SLC4A4: variants seen among roughly 807,000 people sequenced by gnomAD.
The protein encoded by SLC4A4 is solute carrier family 4 member 4.
A neutral mutation model predicts 111.5 loss-of-function variants in SLC4A4; 27 were observed. That is an observed-to-expected ratio of 0.24 (90% CI 0.18 to 0.33). The LOEUF (loss-of-function observed/expected upper bound fraction) is 0.33, where lower values mean the gene tolerates loss of function less well. SLC4A4 is among the 10% of genes least tolerant of loss of function. SLC4A4 has a pLI of 1.00. For missense variants in SLC4A4, 909 were observed against 1,315.5 expected (o/e 0.69, Z 4.78); for synonymous variants, 443 against 463.4 (o/e 0.96, Z 0.57).
At chr4:71,097,093 G>T (rs924580585) in intron 2 of SLC4A4, among the ~76,000 whole-genome samples, 9 of 152,130 alleles carry the variant, frequency 5.9e-5, no homozygotes, top group Non-Finnish European at 7.4e-5. Context: ...TGTCATGGGG[G>T]TTTTTTGTAC....
At chr4:71,114,759 A>C (rs1286783163) in intron 2 of SLC4A4, among the ~76,000 whole-genome samples, 6 of 131,644 alleles carry the variant, frequency 4.6e-5, no homozygotes, top group African/African-American at 1.2e-4. Flanking sequence ...TAGTTCAACC[A>C]TTGTGGAAGT....
chr4:71,282,022 T>C (rs546626556), intron 3 of SLC4A4, among the ~76,000 whole-genome samples: 87 of 152,168 alleles, frequency 5.7e-4, no homozygotes, highest in Non-Finnish European at 1.1e-3. Context: ...CCTCAGTTTT[T>C]GTTCATGCAT....
chr4:71,524,089 A>G (rs1733204271), intron 16 of SLC4A4, among the ~76,000 whole-genome samples: 1 of 152,078 alleles, frequency 6.6e-6, no homozygotes. Flanking sequence ...GAACAAGTTA[A>G]TTTCTCTTTC....
chr4:71,536,485 T>TATATATATATATATATATATATATATAA lies in SLC4A4; in HGVS notation c.2442+2099_2442+2100insATATATATATATATATATATATATAAAT, dbSNP rs760037325. ...ATATACATATATATATATATATATA[T>TATATATATATATATATATATATATATAA]ATGTATATATTTATTTATTTATTTA... On this transcript the variant is annotated intron_variant, in intron 18 of 25. Transcript: ENST00000264485. Among the ~76,000 whole-genome samples, 17 of 83,992 alleles carry TATATATATATATATATATATATATATAA rather than the reference T, an allele frequency of 2.0e-4. No individual in the cohort carries two copies. In the East Asian group the frequency reaches 3.2e-3, roughly 16 times the overall value. The allele number at this position is 83,992 out of a possible 152,430, so 55.1% of individuals were successfully genotyped here.
At chr4:71,286,557 T>C (rs1682853946) in intron 3 of SLC4A4, among the ~76,000 whole-genome samples, 1 of 152,364 alleles carries the variant, frequency 6.6e-6, no homozygotes, top group East Asian at 1.9e-4. Flanking sequence ...CAGTTTTCTA[T>C]AACTTTGTGC....
chr4:71,322,625 A>G (rs1268760799), intron 3 of SLC4A4, among the ~76,000 whole-genome samples: 1 of 151,998 alleles, frequency 6.6e-6, no homozygotes, highest in African/African-American at 2.4e-5. Flanking sequence ...GAAAATGCTG[A>G]TGTGTTCACT....
At chr4:71,453,986 A>G (rs1242718346) in intron 12 of SLC4A4, among the ~76,000 whole-genome samples, 1 of 152,206 alleles carries the variant, frequency 6.6e-6, no homozygotes, top group Non-Finnish European at 1.5e-5. Flanking sequence ...TAGATCTTCT[A>G]CTAGTTTGAC....
rs2290398 is a variant in SLC4A4, at chr4:71,563,692, A to G, written c.3100-101A>G. ...TAATTATAAGGCTTTTCTCCTTAGT[A>G]GTATGTAAATGATTATAGAAAACGG... is the stretch of plus-strand genomic sequence containing the variant. On this transcript the variant is annotated intron_variant, in intron 23 of 25. Coordinates refer to ENST00000264485, the MANE Select transcript of SLC4A4 (RefSeq NM_001098484.3). 713,081 of 789,166 alleles carry G rather than the reference A, an allele frequency of 0.9. 325,363 individuals are homozygous for G. Among genetic ancestry groups the G allele is most frequent in the Non-Finnish European group, 0.96 (421,575 of 440,652 alleles). The allele number at this position is 789,166 out of a possible 1,614,324, so 48.9% of individuals were successfully genotyped here. A position where few individuals can be genotyped will look rare whatever the true frequency, so the allele number is the denominator to read the frequency against.
At chr4:71,377,962 A>G (rs189097247) in intron 6 of SLC4A4, among the ~76,000 whole-genome samples, 192 of 152,228 alleles carry the variant, frequency 1.3e-3, no homozygotes, top group African/African-American at 4.5e-3. Context: ...GGCACTTCTT[A>G]TATGGTAAGA....
chr4:71,101,459 A>T (rs1305678547), intron 2 of SLC4A4, among the ~76,000 whole-genome samples: 2 of 152,194 alleles, frequency 1.3e-5, no homozygotes, highest in Non-Finnish European at 2.9e-5. Context: ...ACTGTTGTGT[A>T]ATAATTACCA....
intron 2 of SLC4A4, among the ~76,000 whole-genome samples, chr4:71,093,515 C>A (rs940939100): frequency 1.3e-5 from 2 of 152,152 alleles, no homozygotes; most frequent in African/African-American, 4.8e-5. Context: ...AGATTTAAAT[C>A]ATAAATAGTT....
chr4:71,312,164 A>T (rs868242032), intron 3 of SLC4A4, among the ~76,000 whole-genome samples: 2 of 152,228 alleles, frequency 1.3e-5, no homozygotes, highest in African/African-American at 4.8e-5. Context: ...TAAACTAGAA[A>T]ATCTAGAAGA....
At chr4:71,117,785 T>C (rs1304095399) in intron 2 of SLC4A4, among the ~76,000 whole-genome samples, 1 of 152,230 alleles carries the variant, frequency 6.6e-6, no homozygotes, top group Non-Finnish European at 1.5e-5. Flanking sequence ...AATTATATTG[T>C]AGTTCAAGGT....
rs1333144988 is a variant in SLC4A4, at chr4:71,572,014, AGAT to A, written c.*4266_*4268del. The A allele has an allele frequency of 6.6e-6, 1 of 152,358 alleles. No individual in the cohort carries two copies. The highest frequency in any genetic ancestry group is 1.5e-5 in the Non-Finnish European group (1 of 67,916). 9.4% of individuals were successfully genotyped at this position (152,358 alleles called of 1,614,324 possible). A position where few individuals can be genotyped will look rare whatever the true frequency, so the allele number is the denominator to read the frequency against. Reference sequence around the variant, plus strand: ...CTTTTATGGAATTAAGAGATGAAGAAGATGAGATATTTTAGCATTTATATTTTT... The same window carrying A: ...CTTTTATGGAATTAAGAGATGAAGAAGAGATATTTTAGCATTTATATTTTT... On this transcript the variant is annotated 3_prime_UTR_variant, in exon 26 of 26. Transcript: ENST00000264485.
chr4:71,277,365 T>G (rs1723146166), intron 3 of SLC4A4, among the ~76,000 whole-genome samples: 1 of 152,186 alleles, frequency 6.6e-6, no homozygotes, highest in Non-Finnish European at 1.5e-5. Context: ...AATCTTGTAG[T>G]CCTAACTTGC....
In SLC4A4 at chr4:71,571,643, G is replaced by A. The variant is rs1457704029; in HGVS notation, c.*3892G>A. The A allele has an allele frequency of 6.6e-6, 1 of 152,256 alleles. No homozygotes were observed. The highest frequency in any genetic ancestry group is 1.5e-5 in the Non-Finnish European group (1 of 67,862). The allele number at this position is 152,256 out of a possible 1,614,324, so 9.4% of individuals were successfully genotyped here. A position where few individuals can be genotyped will look rare whatever the true frequency, so the allele number is the denominator to read the frequency against. On this transcript the variant is annotated 3_prime_UTR_variant, in exon 26 of 26. Coordinates refer to ENST00000264485, the MANE Select transcript of SLC4A4 (RefSeq NM_001098484.3). ...CAACTCAGGGCTAAAGTCATCCAGT[G>A]AAACTTTTAGAGCCAGAAGTAACTT...
chr4:71,559,879 G>A (rs1736808162), intron 22 of SLC4A4, among the ~76,000 whole-genome samples: 1 of 151,844 alleles, frequency 6.6e-6, no homozygotes, highest in Non-Finnish European at 1.5e-5. Flanking sequence ...AACAAAGTGA[G>A]TTTCAACTAA....
At chr4:71,296,160 CTG>C (rs1423387117) in intron 3 of SLC4A4, among the ~76,000 whole-genome samples, 2 of 151,198 alleles carry the variant, frequency 1.3e-5, no homozygotes, top group East Asian at 3.9e-4. Context: ...TAAAATATGA[CTG>C]TGTTTTTATT....
At position 71,486,973 on chromosome 4, in the gene SLC4A4, C is replaced by T. The variant is rs139300696; in HGVS notation, c.1929C>T (p.Thr643=). The T allele has an allele frequency of 1.9e-6, 3 of 1,601,748 alleles. No individual in the cohort carries two copies. Among genetic ancestry groups the T allele is most frequent in the Admixed American group, 1.7e-5 (1 of 59,620 alleles). The change falls in exon 15 of 26, where the codon ACC becomes ACT. Residue 643 remains threonine (T), a synonymous_variant. Transcript: ENST00000264485. Reference sequence around the variant, plus strand: ...CTAATATCTCAATATCTAATGACACCACACTGGCCCCAGAGTATTTGCCAA... The same window carrying T: ...CTAATATCTCAATATCTAATGACACTACACTGGCCCCAGAGTATTTGCCAA... The part of the protein sequence containing the change: ...DPANISISND[T]TLAPEYLPTM...
Sources: gnomAD v4.1 joint callset for allele counts (sites outside exome capture counted in the v4.1 genomes callset) on GRCh38, gnomAD v4.1.1 for gene constraint, MANE v1.5 for transcripts, NCBI Gene and HGNC (gene_info 2026-07-23, HGNC 2026-07-21) for gene names.